The following PRKAR1A variants were observed in gnomAD, a reference collection of about 807,000 sequenced individuals.
PRKAR1A encodes cAMP-dependent protein kinase type I-alpha regulatory subunit.
In PRKAR1A, 3 loss-of-function variants were observed where a neutral mutation model predicts 52.0. The ratio of observed to expected loss-of-function variants is 0.06; its 90% CI spans 0.03 to 0.15. The LOEUF (loss-of-function observed/expected upper bound fraction) is 0.15, where lower values mean the gene tolerates loss of function less well. PRKAR1A is among the 10% of genes least tolerant of loss of function. PRKAR1A has a pLI of 1.00. For synonymous variants in PRKAR1A, 188 were observed against 168.4 expected (o/e 1.12, Z -0.90); for missense variants, 240 against 477.4 (o/e 0.50, Z 4.63).
At chr17:68,546,846 AAAAGGT>A (rs1258130782) in intron 11 of PRKAR1A, among the ~76,000 whole-genome samples, 1 of 151,782 alleles carries the variant, frequency 6.6e-6, no homozygotes, top group Non-Finnish European at 1.5e-5. Context: ...AAAAAAAAAA[AAAAGGT>A]AAGACTTGAA....
intron 1 of PRKAR1A, 83 bp downstream of exon 1, chr17:68,512,631 T>C (rs1208943803): frequency 1.3e-5 from 2 of 152,306 alleles, no homozygotes; most frequent in Non-Finnish European, 2.9e-5. Context: ...CGATCCAAGA[T>C]GGCGTCACGG....
At position 68,530,267 on chromosome 17, in the gene PRKAR1A, C is replaced by T. The variant is rs774715675; in HGVS notation, c.974-10C>T. 1.1e-4 allele frequency: 172 copies of T among 1,614,034 alleles called. No homozygotes were observed. Among genetic ancestry groups the T allele is most frequent in the Non-Finnish European group, 1.4e-4 (161 of 1,179,902 alleles). On this transcript the variant is annotated splice_polypyrimidine_tract_variant and intron_variant, in intron 10 of 10. Transcript: ENST00000589228. ...GAAGTTAGCCTGTTACCCATCTTTG[C>T]TTTCTCCAGGTGAAATTGCACTACT...
At chr17:68,453,023 CG>C in the PRKAR1A span, 1 of 1,568,834 alleles carries the variant, frequency 6.4e-7, no homozygotes, top group Non-Finnish European at 8.8e-7. Flanking sequence ...ATGGGAATAA[CG>C]ACAGGTATTC....
the PRKAR1A span, chr17:68,457,542 C>CACCCCGCCCCT: frequency 1.1e-3 from 66 of 58,246 alleles, 1 homozygote; most frequent in Middle Eastern, 6.4e-3. Context: ...GCCCCGTCCC[C>CACCCCGCCCCT]ACCCCGCCCC....
rs567972679 is a variant in PRKAR1A at position 68,532,907 on chromosome 17, T to G, written c.*2458T>G. The G allele has an allele frequency of 9.4e-7, 1 of 1,066,088 alleles. No individual in the cohort carries two copies. The highest frequency in any genetic ancestry group is 1.6e-5 in the African/African-American group (1 of 61,246). 66.0% of individuals were successfully genotyped at this position (1,066,088 alleles called of 1,614,324 possible). On this transcript the variant is annotated 3_prime_UTR_variant, in exon 11 of 11. Transcript: ENST00000589228. ...GTGTTTTGAAAGAGCAATGTTTATT[T>G]TCAGTGCTTTTCAGTTTGTCAAAGA...
chr17:68,499,209 A>C, the PRKAR1A span, among the ~76,000 whole-genome samples: 1 of 152,160 alleles, frequency 6.6e-6, no homozygotes, highest in African/African-American at 2.4e-5. Flanking sequence ...CAGTGGAATT[A>C]CTTGTAGTTT....
At chr17:68,489,325 T>TAC in the PRKAR1A span, among the ~76,000 whole-genome samples, 1 of 76,702 alleles carries the variant, frequency 1.3e-5, no homozygotes, top group Non-Finnish European at 2.4e-5. Flanking sequence ...AGTATATATA[T>TAC]ATATATATGG....
At chr17:68,451,892 T>G in the PRKAR1A span, among the ~76,000 whole-genome samples, 1 of 152,240 alleles carries the variant, frequency 6.6e-6, no homozygotes, top group South Asian at 2.1e-4. Flanking sequence ...TCTTTTCATA[T>G]GTGTGCCTTT....
At chr17:68,431,485 G>C in the PRKAR1A span, among the ~76,000 whole-genome samples, 1 of 152,130 alleles carries the variant, frequency 6.6e-6, no homozygotes, top group Non-Finnish European at 1.5e-5. Context: ...CTGACTCAGG[G>C]GGACGGGAGG....
intron 11 of PRKAR1A, among the ~76,000 whole-genome samples, chr17:68,546,201 A>C (rs2086556845): frequency 6.8e-6 from 1 of 146,170 alleles, no homozygotes; most frequent in African/African-American, 2.5e-5. Context: ...AAAAAGCAGC[A>C]ACTCTATCTG....
At position 68,532,901 on chromosome 17, in the gene PRKAR1A, T is replaced by C. The variant is rs1034560028; in HGVS notation, c.*2452T>C. 12 of 1,066,034 alleles carry C rather than the reference T, an allele frequency of 1.1e-5. No individual in the cohort carries two copies. Among genetic ancestry groups the C allele is most frequent in the Non-Finnish European group, 1.1e-5 (10 of 879,770 alleles). 66.0% of individuals were successfully genotyped at this position (1,066,034 alleles called of 1,614,324 possible). ...GGATCGGTGTTTTGAAAGAGCAATG[T>C]TTATTTTCAGTGCTTTTCAGTTTGT... On this transcript the variant is annotated 3_prime_UTR_variant, in exon 11 of 11. Transcript: ENST00000589228.
chr17:68,512,744 G>A (rs2085299634), intron 1 of PRKAR1A, 196 bp downstream of exon 1: 1 of 152,126 alleles, frequency 6.6e-6, no homozygotes, highest in Non-Finnish European at 1.5e-5. Context: ...GCATCCTCAA[G>A]GCCGTCTGGG....
the PRKAR1A span, among the ~76,000 whole-genome samples, chr17:68,475,936 C>G: frequency 6.6e-6 from 1 of 151,974 alleles, no homozygotes; most frequent in East Asian, 1.9e-4. Context: ...AAGTTGATTT[C>G]AAATTTTGCA....
At position 68,532,696 on chromosome 17, in the gene PRKAR1A, A is replaced by G. The variant is rs1052720976; in HGVS notation, c.*2247A>G. On this transcript the variant is annotated 3_prime_UTR_variant, in exon 11 of 11. Coordinates refer to ENST00000589228, the MANE Select transcript of PRKAR1A (RefSeq NM_002734.5). ...GTCTGATTATACCATGTGTGCTAAT[A>G]TACTTTTTTTGTTATAGATTGTCTT... The G allele has an allele frequency of 2.8e-6, 3 of 1,066,276 alleles. No homozygotes were observed. The highest frequency in any genetic ancestry group is 3.4e-6 in the Non-Finnish European group (3 of 879,708). 66.1% of individuals were successfully genotyped at this position (1,066,276 alleles called of 1,614,324 possible).
the PRKAR1A span, chr17:68,457,514 C>T: frequency 4.8e-6 from 5 of 1,034,584 alleles, no homozygotes; most frequent in Non-Finnish European, 6.3e-6. Flanking sequence ...GTCGCCGGTC[C>T]TGCCCCGCCC....
intron 11 of PRKAR1A, among the ~76,000 whole-genome samples, chr17:68,547,092 G>A (rs1255286136): frequency 3.3e-5 from 5 of 151,948 alleles, no homozygotes. Context: ...GTTAACAGAT[G>A]TGTGGTCATC....
At chr17:68,465,496 C>T in the PRKAR1A span, among the ~76,000 whole-genome samples, 1 of 152,006 alleles carries the variant, frequency 6.6e-6, no homozygotes, top group East Asian at 1.9e-4. Context: ...ACTCTGTTGC[C>T]CAGGCTGGAG....
chr17:68,541,894 A>C, intron 11 of PRKAR1A: 2 of 1,464,248 alleles, frequency 1.4e-6, no homozygotes, highest in Non-Finnish European at 1.9e-6. Context: ...GCAGCTTTTC[A>C]GATTCAAAAG....
the PRKAR1A span, among the ~76,000 whole-genome samples, chr17:68,414,683 A>G: frequency 2.2e-4 from 34 of 151,342 alleles, no homozygotes; most frequent in Non-Finnish European, 4.0e-4. Context: ...GTTGTTGGTA[A>G]TTTAAAAATT....
Sources: gnomAD v4.1 joint callset for allele counts (sites outside exome capture counted in the v4.1 genomes callset) on GRCh38, gnomAD v4.1.1 for gene constraint, MANE v1.5 for transcripts, NCBI Gene and HGNC (gene_info 2026-07-23, HGNC 2026-07-21) for gene names.